Variants in ARHGAP24 observed in about 807,000 individuals in gnomAD.
The protein encoded by ARHGAP24 is Rho GTPase activating protein 24, also known as rho GTPase-activating protein 24.
In ARHGAP24, 50 loss-of-function variants were observed where a neutral mutation model predicts 76.4. The ratio of observed to expected loss-of-function variants is 0.65; its 90% CI spans 0.52 to 0.83. The LOEUF is 0.83. Among genes scored for constraint, ARHGAP24 ranks in the 40% least tolerant of loss-of-function variants. The probability of loss-of-function intolerance (pLI) is 0.00; values close to 1 mark genes in which losing one functional copy is unlikely to be tolerated. For synonymous variants in ARHGAP24, 345 were observed against 323.3 expected, an observed-to-expected ratio of 1.07 and a Z score of -0.72; for missense variants, 930 against 914.2, an observed-to-expected ratio of 1.02 and a Z score of -0.22.
intron 3 of ARHGAP24, among the ~76,000 whole-genome samples, chr4:85,824,437 A>G (rs10016102): frequency 0.22 from 33,530 of 152,106 alleles, 4,559 homozygotes; most frequent in East Asian, 0.51. Context: ...TGGAAATACT[A>G]CAAGGATTTC....
chr4:85,684,352 C>T (rs977628176), intron 2 of ARHGAP24, among the ~76,000 whole-genome samples: 5 of 152,136 alleles, frequency 3.3e-5, no homozygotes, highest in African/African-American at 1.2e-4. Context: ...TTCTATTTCT[C>T]TGATGATTAA....
rs186181179 is a variant in ARHGAP24 at position 85,842,445 on chromosome 4, T to A, written c.269-81203T>A. On this transcript the variant is annotated intron_variant, in intron 3 of 9. Transcript: ENST00000395184. The stretch of plus-strand genomic sequence containing the variant: ...TGTATCATAGTACTGTGGTCAGAAA[T>A]AAACAGTGTAAAACATTTTTATTGT... Among the ~76,000 whole-genome samples, 22 of 152,256 alleles carry A rather than the reference T, an allele frequency of 1.4e-4. No individual in the cohort carries two copies. The East Asian group carries it at 4.2e-3, about 29-fold the overall frequency.
chr4:85,688,519 T>C (rs969294383), intron 2 of ARHGAP24, among the ~76,000 whole-genome samples: 1 of 152,218 alleles, frequency 6.6e-6, no homozygotes, highest in African/African-American at 2.4e-5. Context: ...TCCCGTTCAG[T>C]AGAGTGTCTG....
chr4:85,570,752 G>C (rs775046314), intron 2 of ARHGAP24, 31 bp downstream of exon 2: 10 of 1,610,458 alleles, frequency 6.2e-6, no homozygotes, highest in Non-Finnish European at 8.5e-6. Flanking sequence ...AGCATTAAGG[G>C]CCTAAGAAAG....
chr4:85,760,710 A>C (rs1726700790), intron 3 of ARHGAP24, among the ~76,000 whole-genome samples: 1 of 152,200 alleles, frequency 6.6e-6, no homozygotes, highest in African/African-American at 2.4e-5. Flanking sequence ...AGAAGGCCCG[A>C]AGCCAAAAAA....
At chr4:85,785,986 T>A (rs1578226613) in intron 3 of ARHGAP24, among the ~76,000 whole-genome samples, 1 of 99,840 alleles carries the variant, frequency 1.0e-5, no homozygotes, top group Non-Finnish European at 2.1e-5. Flanking sequence ...CACTACTACC[T>A]TTTTTTTTTA....
chr4:85,535,302 G>A (rs1725426108), intron 1 of ARHGAP24, among the ~76,000 whole-genome samples: 1 of 152,112 alleles, frequency 6.6e-6, no homozygotes, highest in South Asian at 2.1e-4. Flanking sequence ...TAGACACAAA[G>A]TATCCTACTT....
chr4:85,477,626 GA>G (rs533884195), intron 1 of ARHGAP24, among the ~76,000 whole-genome samples: 80 of 152,282 alleles, frequency 5.3e-4, no homozygotes, highest in African/African-American at 1.8e-3. Context: ...GAGTGGGCAG[GA>G]AGGGTGAGGA....
intron 3 of ARHGAP24, among the ~76,000 whole-genome samples, chr4:85,764,343 C>T (rs1430994360): frequency 2.0e-5 from 3 of 151,928 alleles, no homozygotes; most frequent in African/African-American, 4.8e-5. Context: ...ATCATCAATG[C>T]GTTAAAAGGA....
intron 1 of ARHGAP24, among the ~76,000 whole-genome samples, chr4:85,512,515 A>G (rs1364376540): frequency 6.6e-6 from 1 of 152,032 alleles, no homozygotes; most frequent in African/African-American, 2.4e-5. Context: ...GTACTCAACT[A>G]TGGTTGAGAT....
At chr4:85,712,112 G>A (rs1209547959) in intron 2 of ARHGAP24, among the ~76,000 whole-genome samples, 2 of 152,138 alleles carry the variant, frequency 1.3e-5, no homozygotes, top group East Asian at 3.9e-4. Context: ...TCCTAGTTGA[G>A]AAATAATAAA....
At chr4:85,899,352 A>T (rs1230845006) in intron 3 of ARHGAP24, among the ~76,000 whole-genome samples, 1 of 152,202 alleles carries the variant, frequency 6.6e-6, no homozygotes, top group African/African-American at 2.4e-5. Flanking sequence ...TTAATCAGTA[A>T]ATGACTTTGT....
intron 3 of ARHGAP24, among the ~76,000 whole-genome samples, chr4:85,872,349 T>A (rs1732581139): frequency 6.6e-6 from 1 of 151,888 alleles, no homozygotes; most frequent in East Asian, 1.9e-4. Context: ...CAGGCTGGAG[T>A]GCAGTGGCAT....
chr4:85,625,496 G>A (rs1720911579), intron 2 of ARHGAP24, among the ~76,000 whole-genome samples: 1 of 152,126 alleles, frequency 6.6e-6, no homozygotes, highest in Non-Finnish European at 1.5e-5. Context: ...TTCCAACTAT[G>A]TGGTCAATTT....
intron 1 of ARHGAP24, among the ~76,000 whole-genome samples, chr4:85,569,305 T>A (rs1488105569): frequency 6.6e-6 from 1 of 152,230 alleles, no homozygotes; most frequent in Admixed American, 6.5e-5. Context: ...AATATCTTTA[T>A]AACCTCATCA....
At chr4:85,838,794 C>G (rs1387548246) in intron 3 of ARHGAP24, among the ~76,000 whole-genome samples, 1 of 151,758 alleles carries the variant, frequency 6.6e-6, no homozygotes, top group Non-Finnish European at 1.5e-5. Context: ...CCCACTAAGT[C>G]CATCCCTCCC....
intron 5 of ARHGAP24, among the ~76,000 whole-genome samples, chr4:85,957,622 C>G (rs1737993145): frequency 6.6e-6 from 1 of 152,208 alleles, no homozygotes; most frequent in Non-Finnish European, 1.5e-5. Flanking sequence ...ATAACCCACA[C>G]TTTGGGAAAT....
intron 1 of ARHGAP24, among the ~76,000 whole-genome samples, chr4:85,511,034 C>T (rs1045989386): frequency 6.6e-5 from 10 of 152,112 alleles, no homozygotes; most frequent in African/African-American, 1.9e-4. Flanking sequence ...AGCCATCTAA[C>T]GGCCACCCAT....
At chr4:85,989,248 G>A (rs181786621) in intron 8 of ARHGAP24, among the ~76,000 whole-genome samples, 47 of 151,588 alleles carry the variant, frequency 3.1e-4, no homozygotes, top group Admixed American at 1.1e-3. Flanking sequence ...TAATCATAAG[G>A]GACTATTATG....
Sources: gnomAD v4.1 joint callset for allele counts (sites outside exome capture counted in the v4.1 genomes callset) on GRCh38, gnomAD v4.1.1 for gene constraint, MANE v1.5 for transcripts, NCBI Gene and HGNC (gene_info 2026-07-23, HGNC 2026-07-21) for gene names.